The following CSMD2 variants were observed in gnomAD, a reference collection of about 807,000 sequenced individuals.
CSMD2 encodes CUB and Sushi multiple domains 2, also known as CUB and sushi domain-containing protein 2.
In CSMD2, 130 loss-of-function variants were observed where a neutral mutation model predicts 398.5. That is an observed-to-expected ratio of 0.33 (90% CI 0.28 to 0.38). CSMD2 has a LOEUF of 0.38. Ranked by LOEUF, CSMD2 falls within the 10% of genes least tolerant of loss-of-function variation. The probability of loss-of-function intolerance (pLI) is 1.00; values close to 1 mark genes in which losing one functional copy is unlikely to be tolerated. For synonymous variants in CSMD2, 1,828 were observed against 1,908.5 expected, an observed-to-expected ratio of 0.96 and a Z score of 1.10; for missense variants, 3,829 against 4,764.9, an observed-to-expected ratio of 0.80 and a Z score of 5.78.
At chr1:33,539,840 T>A (rs998501977) in intron 60 of CSMD2, among the ~76,000 whole-genome samples, 1 of 152,304 alleles carries the variant, frequency 6.6e-6, no homozygotes, top group East Asian at 1.9e-4. Context: ...CTGGCCCTAA[T>A]CTCTGAGGAA....
chr1:33,773,529 A>T (rs550412777), intron 12 of CSMD2, among the ~76,000 whole-genome samples: 34 of 152,266 alleles, frequency 2.2e-4, no homozygotes, highest in African/African-American at 7.7e-4. Context: ...CCGGAGAGGC[A>T]GTCAGGATCC....
chr1:33,737,412 G>T (rs1569607366), intron 15 of CSMD2, among the ~76,000 whole-genome samples: 1 of 152,340 alleles, frequency 6.6e-6, no homozygotes, highest in South Asian at 2.1e-4. Context: ...TTGGTCCAAT[G>T]AAGAAATAGT....
At chr1:33,572,157 G>A (rs542777456) in intron 50 of CSMD2, among the ~76,000 whole-genome samples, 7 of 152,246 alleles carry the variant, frequency 4.6e-5, no homozygotes, top group Admixed American at 3.9e-4. Context: ...GGACATAGTC[G>A]AGGAGGTTGC....
At chr1:33,640,058 G>A (rs1643023773) in intron 29 of CSMD2, among the ~76,000 whole-genome samples, 1 of 152,142 alleles carries the variant, frequency 6.6e-6, no homozygotes. Context: ...CCAAAGCTCA[G>A]CTGTGAATGA....
At chr1:33,561,538 G>A (rs1231062230) in intron 53 of CSMD2, among the ~76,000 whole-genome samples, 4 of 152,212 alleles carry the variant, frequency 2.6e-5, no homozygotes, top group South Asian at 4.1e-4. Flanking sequence ...CTGCTATGGA[G>A]TGGAATATAC....
chr1:34,072,671 G>A (rs1446037051), intron 2 of CSMD2, among the ~76,000 whole-genome samples: 1 of 152,170 alleles, frequency 6.6e-6, no homozygotes, highest in Non-Finnish European at 1.5e-5. Context: ...CTTGGTGAAT[G>A]AGCAAGGTGA....
intron 56 of CSMD2, among the ~76,000 whole-genome samples, chr1:33,547,588 C>T (rs1657033974): frequency 1.3e-5 from 2 of 152,194 alleles, no homozygotes; most frequent in East Asian, 1.9e-4. Flanking sequence ...TTCCTAGTCT[C>T]GACTCAGACT....
At chr1:34,110,040 CAAAAAAAAAAA>C (rs57314887) in intron 1 of CSMD2, among the ~76,000 whole-genome samples, 1 of 63,406 alleles carries the variant, frequency 1.6e-5, no homozygotes, top group Non-Finnish European at 2.7e-5. Flanking sequence ...GACTCTGTCT[CAAAAAAAAAAA>C]AAAAAAAAAA....
intron 3 of CSMD2, among the ~76,000 whole-genome samples, chr1:34,019,634 T>A (rs965960550): frequency 6.6e-6 from 1 of 152,196 alleles, no homozygotes; most frequent in Admixed American, 6.5e-5. Context: ...CTCCTGTGAC[T>A]GGTTTCCTTC....
At chr1:34,087,773 G>C (rs1371800469) in intron 2 of CSMD2, among the ~76,000 whole-genome samples, 1 of 152,100 alleles carries the variant, frequency 6.6e-6, no homozygotes, top group Non-Finnish European at 1.5e-5. Context: ...CATGAAGGCG[G>C]TGGCTTTGTT....
intron 4 of CSMD2, among the ~76,000 whole-genome samples, chr1:33,927,220 C>A (rs141655347): frequency 2.6e-4 from 40 of 152,326 alleles, no homozygotes; most frequent in Middle Eastern, 3.4e-3. Context: ...TGCTCAACTT[C>A]TTCAGTCCCC....
intron 1 of CSMD2, among the ~76,000 whole-genome samples, chr1:34,155,703 G>A (rs562334325): frequency 1.3e-5 from 2 of 152,300 alleles, no homozygotes; most frequent in South Asian, 2.1e-4. Context: ...CAGAGGTCGT[G>A]AGCTCCCCAT....
chr1:33,950,143 A>G (rs1245986935), intron 3 of CSMD2, among the ~76,000 whole-genome samples: 1 of 151,942 alleles, frequency 6.6e-6, no homozygotes, highest in Non-Finnish European at 1.5e-5. Context: ...CTTCTCTTGG[A>G]CTTGGAGATA....
intron 4 of CSMD2, among the ~76,000 whole-genome samples, chr1:33,933,452 C>A (rs1644374216): frequency 1.3e-5 from 2 of 152,150 alleles, no homozygotes; most frequent in Admixed American, 1.3e-4. Flanking sequence ...TTATCTTGAA[C>A]AAAATAGCAT....
Position 33,576,328 on chromosome 1 carries a change from C to A in CSMD2, c.7576+968G>T, listed in dbSNP as rs112438967. Among the ~76,000 whole-genome samples the A allele has an allele frequency of 5.9e-5, 9 of 152,312 alleles. 2 individuals are homozygous for A. The highest frequency in any genetic ancestry group is 2.2e-4 in the African/African-American group (9 of 41,564). On this transcript the variant is annotated intron_variant, in intron 49 of 70. Transcript: ENST00000373381. ...AATAGAGTCCAGGCGCGGTGGCTCA[C>A]ACCTGTAATCACAGCACTCTGGGAG...
At chr1:33,852,379 C>T (rs976867128) in intron 5 of CSMD2, among the ~76,000 whole-genome samples, 1 of 152,234 alleles carries the variant, frequency 6.6e-6, no homozygotes, top group East Asian at 1.9e-4. Flanking sequence ...TTTTTAATGT[C>T]TTTCCTCTTC....
chr1:33,913,183 T>C (rs537139322), intron 5 of CSMD2, among the ~76,000 whole-genome samples: 5 of 152,194 alleles, frequency 3.3e-5, no homozygotes, highest in Non-Finnish European at 5.9e-5. Flanking sequence ...ATGCTATCCA[T>C]AATGTGCTTG....
chr1:34,057,158 T>C (rs577074410), intron 2 of CSMD2, among the ~76,000 whole-genome samples: 3 of 152,262 alleles, frequency 2.0e-5, no homozygotes, highest in African/African-American at 7.2e-5. Context: ...CTGTGCCCTG[T>C]GGCTGCTTGG....
chr1:34,041,998 G>T (rs540685768), intron 2 of CSMD2, among the ~76,000 whole-genome samples: 2 of 152,326 alleles, frequency 1.3e-5, no homozygotes, highest in East Asian at 3.9e-4. Flanking sequence ...AACATACCTG[G>T]TTGAATCTTG....
Sources: gnomAD v4.1 joint callset for allele counts (sites outside exome capture counted in the v4.1 genomes callset) on GRCh38, gnomAD v4.1.1 for gene constraint, MANE v1.5 for transcripts, NCBI Gene and HGNC (gene_info 2026-07-23, HGNC 2026-07-21) for gene names.